SPAG17: variants seen among roughly 807,000 people sequenced by gnomAD.
SPAG17 encodes sperm-associated antigen 17.
In SPAG17, 169 loss-of-function variants were observed where a neutral mutation model predicts 273.6. The ratio of observed to expected loss-of-function variants is 0.62; its 90% CI spans 0.55 to 0.70. SPAG17 has a LOEUF of 0.70. Among genes scored for constraint, SPAG17 ranks in the 30% least tolerant of loss-of-function variants. SPAG17 has a pLI of 0.00. For missense variants in SPAG17, 2,557 were observed against 2,627.8 expected (o/e 0.97, Z 0.59); for synonymous variants, 825 against 873.2 (o/e 0.94, Z 0.97).
At chr1:118,157,675 C>T (rs1659720699) in intron 1 of SPAG17, among the ~76,000 whole-genome samples, 2 of 152,144 alleles carry the variant, frequency 1.3e-5, no homozygotes. Flanking sequence ...AGCCTGGGTT[C>T]GATTCACTGA....
intron 20 of SPAG17, among the ~76,000 whole-genome samples, chr1:118,046,398 AT>A (rs1254405219): frequency 1.2e-4 from 18 of 152,158 alleles, no homozygotes; most frequent in African/African-American, 4.1e-4. Context: ...ATAATGTTTA[AT>A]TTGTAGCAAC....
rs1657057491 is a variant in SPAG17, at chr1:117,991,422, A to G, written c.5468T>C (p.Leu1823Pro). The change falls in exon 37 of 49, where the codon CTG (leucine) becomes CCG (proline). Residue 1823 changes from leucine (L) to proline (P), a missense_variant. Transcript: ENST00000336338. ...ERGNAADLLK[L>P]VMSFPKMEET... is the part of the protein sequence containing the mutation. ...TACAAGGCATTTTCTCACCATAACC[A>G]GCTTGAGGAGATCAGCAGCATTGCC... 3.1e-6 allele frequency: 5 copies of G among 1,594,782 alleles called. No individual in the cohort carries two copies. The highest frequency in any genetic ancestry group is 4.3e-6 in the Non-Finnish European group (5 of 1,169,076).
At chr1:118,084,336 G>A (rs1654827321) in intron 13 of SPAG17, among the ~76,000 whole-genome samples, 1 of 152,170 alleles carries the variant, frequency 6.6e-6, no homozygotes, top group South Asian at 2.1e-4. Context: ...GGCTTACAAA[G>A]GAAATGGTAA....
intron 38 of SPAG17, among the ~76,000 whole-genome samples, chr1:117,990,051 C>A (rs1030335798): frequency 2.0e-5 from 3 of 152,124 alleles, no homozygotes; most frequent in Non-Finnish European, 4.4e-5. Context: ...AAAAGGGTGA[C>A]CACAGAGTAT....
At chr1:118,184,636 C>T (rs975185893) in intron 1 of SPAG17, among the ~76,000 whole-genome samples, 1 of 152,144 alleles carries the variant, frequency 6.6e-6, no homozygotes, top group Non-Finnish European at 1.5e-5. Context: ...CTAGGCACTC[C>T]GTGTCTGTTT....
intron 3 of SPAG17, among the ~76,000 whole-genome samples, chr1:118,131,340 C>T (rs1031993550): frequency 2.0e-5 from 3 of 152,186 alleles, no homozygotes; most frequent in Non-Finnish European, 4.4e-5. Context: ...CAGATGACCA[C>T]ATAGCTCCAT....
At chr1:118,017,813 T>A (rs1002545980) in intron 28 of SPAG17, among the ~76,000 whole-genome samples, 1 of 152,068 alleles carries the variant, frequency 6.6e-6, no homozygotes, top group South Asian at 2.1e-4. Flanking sequence ...GATCCTGAAA[T>A]CTTAATCATC....
intron 4 of SPAG17, among the ~76,000 whole-genome samples, chr1:118,109,253 T>C (rs933539160): frequency 4.6e-5 from 7 of 150,618 alleles, no homozygotes; most frequent in Non-Finnish European, 8.9e-5. Context: ...GCGATTCTCC[T>C]GCCTAATGTA....
intron 19 of SPAG17, 24 bp from the exon 20 acceptor site, chr1:118,054,117 T>G (rs1264504145): frequency 6.8e-7 from 1 of 1,460,416 alleles, no homozygotes; most frequent in Admixed American, 1.8e-5. Flanking sequence ...AAATTAAACT[T>G]CTTAGTAACT....
intron 3 of SPAG17, among the ~76,000 whole-genome samples, chr1:118,148,683 C>T (rs1336609557): frequency 6.6e-6 from 1 of 152,180 alleles, no homozygotes; most frequent in South Asian, 2.1e-4. Flanking sequence ...GCAGCTTCAC[C>T]TCTCACTAGT....
intron 17 of SPAG17, among the ~76,000 whole-genome samples, chr1:118,067,224 A>G (rs1653073921): frequency 6.6e-6 from 1 of 152,202 alleles, no homozygotes; most frequent in South Asian, 2.1e-4. Context: ...CCATGCCTTG[A>G]TATAGACCAT....
chr1:117,999,104 G>C (rs1294864135), intron 32 of SPAG17, among the ~76,000 whole-genome samples: 1 of 151,878 alleles, frequency 6.6e-6, no homozygotes, highest in South Asian at 2.1e-4. Context: ...CCTTGTGACA[G>C]TTTTCTGAGA....
At chr1:117,982,156 T>G (rs1655894911) in intron 42 of SPAG17, among the ~76,000 whole-genome samples, 1 of 152,192 alleles carries the variant, frequency 6.6e-6, no homozygotes, top group African/African-American at 2.4e-5. Flanking sequence ...TCTGTCATAA[T>G]TAGATATTTC....
chr1:118,142,798 G>A lies in SPAG17; in HGVS notation c.315+7745C>T, dbSNP rs148134291. On this transcript the variant is annotated intron_variant, in intron 3 of 48. Transcript: ENST00000336338. ...CAGTGGAACCAGGACATGATCCCAG[G>A]CAGTCTGGTTTGGTTCCATACTTTT... 3.5e-4 allele frequency among the ~76,000 whole-genome samples: 54 copies of A among 152,244 alleles called. No individual in the cohort carries two copies. In the East Asian group the frequency reaches 8.9e-3, roughly 25 times the overall value.
intron 30 of SPAG17, among the ~76,000 whole-genome samples, chr1:118,010,017 T>C (rs1659308043): frequency 6.6e-6 from 1 of 152,196 alleles, no homozygotes; most frequent in South Asian, 2.1e-4. Context: ...AGCACACTTA[T>C]ATGCAGATTC....
chr1:118,122,401 C>T (rs1259874777), intron 3 of SPAG17, among the ~76,000 whole-genome samples: 1 of 152,152 alleles, frequency 6.6e-6, no homozygotes, highest in Non-Finnish European at 1.5e-5. Context: ...CAACTTAATG[C>T]AAAAGTACAG....
chr1:118,055,681 A>G, intron 19 of SPAG17, 52 bp downstream of exon 19: 2 of 1,384,300 alleles, frequency 1.4e-6, no homozygotes, highest in East Asian at 4.6e-5. Context: ...ATTAAGAGAG[A>G]GAAGAACGTT....
chr1:117,975,939 G>A (rs923864905), intron 43 of SPAG17, among the ~76,000 whole-genome samples: 1 of 152,044 alleles, frequency 6.6e-6, no homozygotes, highest in Non-Finnish European at 1.5e-5. Flanking sequence ...ATCATGAGCT[G>A]GACACTGTGC....
At chr1:118,092,148 A>G (rs554831993) in intron 8 of SPAG17, 146 bp from the exon 9 acceptor site, 1 of 701,768 alleles carries the variant, frequency 1.4e-6, no homozygotes, top group African/African-American at 1.8e-5. Context: ...TATTAGAACC[A>G]AAGGAAAAGA....
Sources: gnomAD v4.1 joint callset for allele counts (sites outside exome capture counted in the v4.1 genomes callset) on GRCh38, gnomAD v4.1.1 for gene constraint, MANE v1.5 for transcripts, NCBI Gene and HGNC (gene_info 2026-07-23, HGNC 2026-07-21) for gene names.